Variants in COG7 observed in about 807,000 individuals in gnomAD.
COG7 encodes component of oligomeric golgi complex 7.
Under a neutral mutation model 91.5 loss-of-function variants are expected in COG7, and 49 were observed. The observed-to-expected ratio is 0.54, with a 90% CI of 0.43 to 0.68. COG7 has a LOEUF of 0.68. Among genes scored for constraint, COG7 ranks in the 30% least tolerant of loss-of-function variants. The pLI, the probability that COG7 is intolerant of heterozygous loss-of-function variation, is 0.00. For synonymous variants in COG7, 365 were observed against 388.7 expected (o/e 0.94, Z 0.72); for missense variants, 895 against 961.3 (o/e 0.93, Z 0.91).
intron 6 of COG7, among the ~76,000 whole-genome samples, chr16:23,429,106 C>T (rs903040504): frequency 2.6e-5 from 4 of 152,150 alleles, no homozygotes; most frequent in African/African-American, 9.7e-5. Flanking sequence ...CCTCCCACCT[C>T]AGCCTCCTGA....
rs747294142 is a variant in COG7, at chr16:23,442,686, C to A, written c.436-41G>T. 3.9e-6 allele frequency: 6 copies of A among 1,535,414 alleles called. No individual in the cohort carries two copies. The South Asian group carries it at 6.7e-5, about 17-fold the overall frequency. On this transcript the variant is annotated intron_variant, in intron 3 of 16. Transcript: ENST00000307149. Reference sequence around the variant, plus strand: ...ATAGAGAATATTTATTTTAAATGATCCCTACTGCCTCAATTGGGAATAGAT... The same window carrying A: ...ATAGAGAATATTTATTTTAAATGATACCTACTGCCTCAATTGGGAATAGAT...
Position 23,452,886 on chromosome 16 carries a change from C to A in COG7, c.109G>T (p.Ala37Ser). The A allele has an allele frequency of 6.2e-7, 1 of 1,614,010 alleles. No individual in the cohort carries two copies. Among genetic ancestry groups the A allele is most frequent in the African/African-American group, 1.3e-5 (1 of 75,068 alleles). Reference sequence around the variant, plus strand: ...TGCAGCTTCATCACCAGGGTGGCTGCGTGGCCATCCGCCTTCCCGGACGCC... The same window carrying A: ...TGCAGCTTCATCACCAGGGTGGCTGAGTGGCCATCCGCCTTCCCGGACGCC... Reference protein sequence around the residue: ...EAASGKADGHAATLVMKLQLF... With the variant: ...EAASGKADGHSATLVMKLQLF... The change falls in exon 1 of 17, where the codon GCA (alanine) becomes TCA (serine). Residue 37 changes from alanine (A) to serine (S), a missense_variant. Coordinates refer to ENST00000307149, the MANE Select transcript of COG7 (RefSeq NM_153603.4).
At chr16:23,413,263 G>A (rs1963595478) in intron 10 of COG7, 185 bp downstream of exon 10, 3 of 579,576 alleles carry the variant, frequency 5.2e-6, no homozygotes, top group Non-Finnish European at 9.4e-6. Flanking sequence ...GGGTCTTTTT[G>A]TTGGTTGGTT....
chr16:23,442,704 G>A (rs1219611742), intron 3 of COG7, 59 bp from the exon 4 acceptor site: 2 of 1,457,058 alleles, frequency 1.4e-6, no homozygotes, highest in Non-Finnish European at 1.9e-6. Context: ...CCTCAATTGG[G>A]AATAGATAAA....
chr16:23,438,566 A>G (rs1964048502), intron 4 of COG7, among the ~76,000 whole-genome samples: 1 of 152,160 alleles, frequency 6.6e-6, no homozygotes, highest in African/African-American at 2.4e-5. Flanking sequence ...TCAAAAAACA[A>G]CAAAACAAAA....
At chr16:23,444,921 C>G in intron 3 of COG7, 127 bp downstream of exon 3, 1 of 799,632 alleles carries the variant, frequency 1.3e-6, no homozygotes, top group Non-Finnish European at 2.3e-6. Flanking sequence ...TCAGATCTTC[C>G]CCACCCTGAG....
At position 23,405,153 on chromosome 16, in the gene COG7, C is replaced by T. The variant is rs148696345; in HGVS notation, c.1662+923G>A. On this transcript the variant is annotated intron_variant, in intron 12 of 16. Transcript: ENST00000307149. ...CCAAGGGGCTCAAAGTCAAGGGCAG[C>T]GTTATGGCAGGCAAACTAAGAGTTT... is the stretch of plus-strand genomic sequence containing the variant. Among the ~76,000 whole-genome samples, 20 of 152,240 alleles carry T rather than the reference C, an allele frequency of 1.3e-4. 1 individual carries two copies. In the East Asian group the frequency reaches 3.7e-3, roughly 28 times the overall value.
intron 12 of COG7, among the ~76,000 whole-genome samples, chr16:23,404,093 C>T (rs1279271555): frequency 6.6e-6 from 1 of 152,218 alleles, no homozygotes; most frequent in Non-Finnish European, 1.5e-5. Flanking sequence ...CCAGGTGATT[C>T]TGATGCACTT....
intron 7 of COG7, among the ~76,000 whole-genome samples, chr16:23,420,551 C>G (rs538141814): frequency 6.6e-6 from 1 of 152,140 alleles, no homozygotes; most frequent in African/African-American, 2.4e-5. Context: ...GGACCGGCTT[C>G]GTCCCTTCCC....
intron 7 of COG7, among the ~76,000 whole-genome samples, chr16:23,420,573 G>A (rs1963738153): frequency 6.6e-6 from 1 of 151,960 alleles, no homozygotes; most frequent in Non-Finnish European, 1.5e-5. Context: ...TCTTTATCTA[G>A]TTAACTCCTA....
chr16:23,418,030 T>G (rs545240449), intron 8 of COG7, among the ~76,000 whole-genome samples: 2 of 152,196 alleles, frequency 1.3e-5, no homozygotes, highest in African/African-American at 2.4e-5. Flanking sequence ...GGTGCCCACA[T>G]AGCATAGTGA....
rs752563691 is a variant in COG7 at position 23,424,804 on chromosome 16, G to A, written c.954C>T (p.Tyr318=). ...CCTTGGCGAAGTGGGCGGTGGCGTC[G>A]TAGAACTCCAGCAGCCTGGTGAGCT... The part of the protein sequence containing the change: ...EQELTRLLEF[Y]DATAHFAKGL... Residue 318 remains tyrosine, a synonymous_variant, in exon 7 of 17, where the codon TAC becomes TAT. Coordinates refer to ENST00000307149, the MANE Select transcript of COG7 (RefSeq NM_153603.4). 61 of 1,614,104 alleles carry A rather than the reference G, an allele frequency of 3.8e-5. No homozygotes were observed. Among genetic ancestry groups the A allele is most frequent in the African/African-American group, 2.3e-4 (17 of 74,930 alleles).
intron 13 of COG7, among the ~76,000 whole-genome samples, chr16:23,401,762 A>G (rs1309121184): frequency 6.6e-6 from 1 of 152,062 alleles, no homozygotes; most frequent in African/African-American, 2.4e-5. Flanking sequence ...GTGGAGAAAA[A>G]AAAAAAATCT....
rs180937046 is a variant in COG7, at chr16:23,447,914, A to G, written c.170-1953T>C. Among the ~76,000 whole-genome samples, 167 of 152,022 alleles carry G rather than the reference A, an allele frequency of 1.1e-3. 1 individual carries two copies. Among genetic ancestry groups the G allele is most frequent in the African/African-American group, 3.8e-3 (156 of 41,470 alleles). The stretch of plus-strand genomic sequence containing the variant: ...ACTCCATCTCAAAAATAAATAAATA[A>G]ATAAATAAAAATAAAAATAAAATCC... On this transcript the variant is annotated intron_variant, in intron 1 of 16. Coordinates refer to ENST00000307149, the MANE Select transcript of COG7 (RefSeq NM_153603.4).
At chr16:23,438,301 G>A (rs756865951) in intron 4 of COG7, among the ~76,000 whole-genome samples, 4 of 152,176 alleles carry the variant, frequency 2.6e-5, no homozygotes, top group Non-Finnish European at 5.9e-5. Flanking sequence ...GCTCACGCCT[G>A]TAATCTCAGG....
Position 23,406,274 on chromosome 16 carries a change from G to A in COG7, c.1476-12C>T. ...CTGTGGACAAAATCCTGTAATGAAA[G>A]GAATGACCATTATGCCCTGAGCTAT... is the stretch of plus-strand genomic sequence containing the variant. On this transcript the variant is annotated splice_polypyrimidine_tract_variant and intron_variant, in intron 11 of 16. Coordinates refer to ENST00000307149, the MANE Select transcript of COG7 (RefSeq NM_153603.4). 1 of 1,611,482 alleles carries A rather than the reference G, an allele frequency of 6.2e-7. No individual in the cohort carries two copies. Among genetic ancestry groups the A allele is most frequent in the Non-Finnish European group, 8.5e-7 (1 of 1,177,842 alleles).
intron 5 of COG7, among the ~76,000 whole-genome samples, chr16:23,433,978 C>T (rs777056343): frequency 5.9e-5 from 9 of 152,250 alleles, no homozygotes; most frequent in East Asian, 3.9e-4. Flanking sequence ...GGGGCAAGAG[C>T]GGGCAGACAT....
Position 23,452,830 on chromosome 16 carries a change from C to T in COG7, c.165G>A (p.Val55=). Residue 55 remains valine, a synonymous_variant, in exon 1 of 17, where the codon GTG becomes GTA. Transcript: ENST00000307149. ...QLFIQEVNHA[V]EETSHQALQN... ...CCAGGGCCCCGAGCGGCTCACCCTC[C>T]ACGGCGTGGTTCACCTCTTGGATGA... 6.2e-7 allele frequency: 1 copy of T among 1,612,150 alleles called. No homozygotes were observed. The highest frequency in any genetic ancestry group is 1.1e-5 in the South Asian group (1 of 90,848).
Position 23,398,064 on chromosome 16 carries a change from A to G in COG7, c.1869T>C (p.Pro623=). The change falls in exon 14 of 17, where the codon CCT becomes CCC. Residue 623 remains proline (P), a synonymous_variant. Coordinates refer to ENST00000307149, the MANE Select transcript of COG7 (RefSeq NM_153603.4). ...TDELPAFSLT[P]LEYISNIGQY... Reference sequence around the variant, plus strand: ...CTCTTACGTTGCTGATGTACTCGAGAGGGGTGAGACTAAAGGCGGGCAGTT... The same window carrying G: ...CTCTTACGTTGCTGATGTACTCGAGGGGGGTGAGACTAAAGGCGGGCAGTT... 6.2e-7 allele frequency: 1 copy of G among 1,614,094 alleles called. No individual in the cohort carries two copies. The highest frequency in any genetic ancestry group is 8.5e-7 in the Non-Finnish European group (1 of 1,179,980).
Sources: allele counts gnomAD v4.1 joint callset (sites outside exome capture counted in the v4.1 genomes callset), GRCh38; gene constraint gnomAD v4.1.1; transcripts MANE v1.5; gene names NCBI Gene and HGNC (gene_info 2026-07-23, HGNC 2026-07-21).